The following URGCP variants were observed in gnomAD, a reference collection of about 807,000 sequenced individuals.
The protein encoded by URGCP is up-regulator of cell proliferation.
URGCP carries 13 observed loss-of-function variants against 24.6 expected under a neutral mutation model. The ratio of observed to expected loss-of-function variants is 0.53; its 90% CI spans 0.34 to 0.84. The LOEUF is 0.84. Among genes scored for constraint, URGCP ranks in the 40% least tolerant of loss-of-function variants. URGCP has a pLI of 0.01. For synonymous variants in URGCP, 444 were observed against 487.2 expected, an observed-to-expected ratio of 0.91 and a Z score of 1.17; for missense variants, 899 against 1,194.3, an observed-to-expected ratio of 0.75 and a Z score of 3.64.
At chr7:43,900,469 C>CAAAAAAAAAAA (rs759728715) in intron 1 of URGCP, among the ~76,000 whole-genome samples, 2 of 114,492 alleles carry the variant, frequency 1.7e-5, no homozygotes, top group African/African-American at 3.4e-5. Flanking sequence ...AAAACCAAAA[C>CAAAAAAAAAAA]AAAAAAAAAA....
chr7:43,879,388 G>T (rs1395681666), intron 5 of URGCP, 128 bp from the exon 6 acceptor site: 23 of 1,112,350 alleles, frequency 2.1e-5, no homozygotes, highest in Non-Finnish European at 2.8e-5. Flanking sequence ...CAGAGTGCAG[G>T]CACAGGAGGC....
chr7:43,919,445 G>A, intron 1 of URGCP: 2 of 941,020 alleles, frequency 2.1e-6, no homozygotes, highest in Non-Finnish European at 3.5e-6. Flanking sequence ...CCAGCTACAT[G>A]GACAATGACC....
Position 43,885,052 on chromosome 7 carries a change from G to A in URGCP, c.112+2363C>T, listed in dbSNP as rs566661919. ...CTTACATAGGTAAGTTCATGTTTGTGAATATTTCTCAAGCTATTAATTGGA... is the reference window on the plus strand; with the variant it reads ...CTTACATAGGTAAGTTCATGTTTGTAAATATTTCTCAAGCTATTAATTGGA... On this transcript the variant is annotated intron_variant, in intron 3 of 5. Coordinates refer to ENST00000453200, the MANE Select transcript of URGCP (RefSeq NM_001077663.3). 2.0e-5 allele frequency among the ~76,000 whole-genome samples: 3 copies of A among 151,848 alleles called. No individual in the cohort carries two copies. The South Asian group carries it at 6.2e-4, about 32-fold the overall frequency.
chr7:43,897,531 G>A (rs377430001), intron 1 of URGCP, among the ~76,000 whole-genome samples: 10 of 152,010 alleles, frequency 6.6e-5, no homozygotes, highest in African/African-American at 2.4e-4. Context: ...AGCTAGAGAC[G>A]ACTGAACTTT....
At chr7:43,897,749 C>T (rs574206337) in intron 1 of URGCP, among the ~76,000 whole-genome samples, 1 of 152,240 alleles carries the variant, frequency 6.6e-6, no homozygotes, top group African/African-American at 2.4e-5. Flanking sequence ...GCTCCATTAT[C>T]TAGCCTTATA....
intron 1 of URGCP, among the ~76,000 whole-genome samples, chr7:43,920,445 C>T (rs1397855869): frequency 6.6e-6 from 1 of 152,128 alleles, no homozygotes; most frequent in Non-Finnish European, 1.5e-5. Flanking sequence ...TGCCTGTAGT[C>T]CTAGCTACTC....
intron 1 of URGCP, among the ~76,000 whole-genome samples, chr7:43,900,489 AAAAG>A (rs1465197898): frequency 6.6e-6 from 1 of 151,898 alleles, no homozygotes; most frequent in East Asian, 1.9e-4. Flanking sequence ...AAAAAAAAGA[AAAAG>A]AAAAAAAGTC....
intron 1 of URGCP, among the ~76,000 whole-genome samples, chr7:43,891,024 T>C (rs1387968649): frequency 6.6e-6 from 1 of 152,234 alleles, no homozygotes; most frequent in African/African-American, 2.4e-5. Context: ...TCTTAGGAGC[T>C]TTTCTGCTAA....
rs1491392943 is a variant in URGCP at position 43,883,363 on chromosome 7, T to TATATA, written c.113-1407_113-1406insTATAT. ...ATATATATATATATATATATATATA[T>TATATA]TTTTTTTTTTTTTTTGAGATGGAGT... On this transcript the variant is annotated intron_variant, in intron 3 of 5. Coordinates refer to ENST00000453200, the MANE Select transcript of URGCP (RefSeq NM_001077663.3). 2.0e-4 allele frequency among the ~76,000 whole-genome samples: 13 copies of TATATA among 66,354 alleles called. No homozygotes were observed. The East Asian group carries it at 2.1e-3, about 11-fold the overall frequency. 43.5% of individuals were successfully genotyped at this position (66,354 alleles called of 152,430 possible). A position where few individuals can be genotyped will look rare whatever the true frequency, so the allele number is the denominator to read the frequency against.
At chr7:43,881,783 C>T in intron 4 of URGCP, 86 bp from the exon 5 acceptor site, 2 of 1,609,114 alleles carry the variant, frequency 1.2e-6, no homozygotes, top group Non-Finnish European at 1.7e-6. Context: ...AACCTAGAAC[C>T]CTTCTTTCTC....
chr7:43,896,722 C>CA (rs980199286), intron 1 of URGCP, among the ~76,000 whole-genome samples: 1 of 152,094 alleles, frequency 6.6e-6, no homozygotes, highest in African/African-American at 2.4e-5. Context: ...AGTAAACAAA[C>CA]AAAAAACACT....
rs749761404 is a variant in URGCP at position 43,878,038 on chromosome 7, C to T, written c.1425G>A (p.Arg475=). The T allele has an allele frequency of 1.9e-6, 3 of 1,614,216 alleles. No homozygotes were observed. Among genetic ancestry groups the T allele is most frequent in the South Asian group, 1.1e-5 (1 of 91,084 alleles). Residue 475 remains arginine (R), a synonymous_variant, in exon 6 of 6, where the codon CGG becomes CGA. Transcript: ENST00000453200. This position sits in a 1 kb window ranked among gnomAD's most constrained non-coding sequence, Gnocchi z 5.6. The part of the protein sequence containing the change: ...DCEECQKAKD[R]MERITRKIKD... ...TGATTTTCCTGGTAATCCTCTCCATCCGGTCTTTCGCTTTCTGACACTCCT... is the reference window on the plus strand; with the variant it reads ...TGATTTTCCTGGTAATCCTCTCCATTCGGTCTTTCGCTTTCTGACACTCCT...
Position 43,879,089 on chromosome 7 carries a change from A to T in URGCP, c.374T>A (p.Leu125His). Residue 125 changes from leucine to histidine, a missense_variant, in exon 6 of 6, where the codon CTC becomes CAC. Transcript: ENST00000453200. ...PWNFLRKLQA[L>H]NADARNTTMV... ...AGTGGTATTCCTGGCATCAGCATTG[A>T]GGGCCTGCAACTTCCTGAGGAAATT... The T allele has an allele frequency of 6.2e-7, 1 of 1,614,196 alleles. No homozygotes were observed. The highest frequency in any genetic ancestry group is 8.5e-7 in the Non-Finnish European group (1 of 1,180,046).
chr7:43,918,317 C>T (rs1285724778), intron 1 of URGCP, among the ~76,000 whole-genome samples: 4 of 151,276 alleles, frequency 2.6e-5, no homozygotes, highest in African/African-American at 4.9e-5. Context: ...CTTTCCTTTC[C>T]CTTCTCCTTT....
At chr7:43,918,579 AC>A in intron 1 of URGCP, 1 of 423,460 alleles carries the variant, frequency 2.4e-6, no homozygotes, top group Non-Finnish European at 4.4e-6. Context: ...CCACACCCAG[AC>A]CCCAAAATAG....
intron 1 of URGCP, among the ~76,000 whole-genome samples, chr7:43,915,080 T>G (rs1440759668): frequency 6.6e-6 from 1 of 152,218 alleles, no homozygotes; most frequent in Non-Finnish European, 1.5e-5. Flanking sequence ...GGCCTGGTAT[T>G]CAATCTGTGA....
chr7:43,886,112 T>C (rs2095861697), intron 3 of URGCP, among the ~76,000 whole-genome samples: 2 of 152,212 alleles, frequency 1.3e-5, no homozygotes, highest in Admixed American at 1.3e-4. Flanking sequence ...ACAATGTTAG[T>C]GCATGGTAAG....
At position 43,923,298 on chromosome 7, in the gene URGCP, T is replaced by TC. The variant is rs1320990081; in HGVS notation, c.-116+2833dup. ...TGCCCAGCCTTTTTTTTTTTTTTTT[T>TC]CCCAAAGAGACAGGGTCTTGCTCTG... On this transcript the variant is annotated intron_variant, in intron 1 of 5. Transcript: ENST00000426198. 3.6e-4 allele frequency among the ~76,000 whole-genome samples: 53 copies of TC among 145,330 alleles called. 1 individual carries two copies. In the South Asian group the frequency reaches 4.1e-3, roughly 11 times the overall value.
In URGCP at chr7:43,877,415, T is replaced by C. The variant is rs1341415737; in HGVS notation, c.2048A>G (p.His683Arg). ...RWVTGLLKEL[H>R]VRLERRSRLV... ...CCTTGACCGTCTCTCCAGTCGGACG[T>C]GCAGCTCCTTCAGGAGCCCTGTGAC... Residue 683 changes from histidine to arginine, a missense_variant, in exon 6 of 6, where the codon CAC (histidine) becomes CGC (arginine). Transcript: ENST00000453200. 6.2e-7 allele frequency: 1 copy of C among 1,613,466 alleles called. No homozygotes were observed.
Sources: allele counts gnomAD v4.1 joint callset (sites outside exome capture counted in the v4.1 genomes callset), GRCh38; gene constraint gnomAD v4.1.1; non-coding constraint Gnocchi (gnomAD v3.1); transcripts MANE v1.5; gene names NCBI Gene and HGNC (gene_info 2026-07-23, HGNC 2026-07-21).